Variants in PLCB1 observed in about 807,000 individuals in gnomAD.
PLCB1 encodes 1-phosphatidylinositol 4,5-bisphosphate phosphodiesterase beta-1.
In PLCB1, 46 loss-of-function variants were observed where a neutral mutation model predicts 161.8. The ratio of observed to expected loss-of-function variants is 0.28; its 90% CI spans 0.22 to 0.36. The LOEUF (loss-of-function observed/expected upper bound fraction) is 0.36. Ranked by LOEUF, PLCB1 falls within the 10% of genes least tolerant of loss-of-function variation. The pLI, the probability that PLCB1 is intolerant of heterozygous loss-of-function variation, is 1.00. For missense variants in PLCB1, 1,016 were observed against 1,472.5 expected (o/e 0.69, Z 5.07); for synonymous variants, 517 against 503.7 (o/e 1.03, Z -0.35).
intron 2 of PLCB1, among the ~76,000 whole-genome samples, chr20:8,362,831 G>A (rs1986588315): frequency 6.6e-6 from 1 of 152,092 alleles, no homozygotes; most frequent in Admixed American, 6.6e-5. Context: ...TTTCATTTAT[G>A]TTACACAATA....
intron 1 of PLCB1, among the ~76,000 whole-genome samples, chr20:8,148,836 G>T (rs2051480828): frequency 6.6e-6 from 1 of 152,132 alleles, no homozygotes; most frequent in Non-Finnish European, 1.5e-5. Context: ...TAACTACTTA[G>T]AATACTCCAA....
At chr20:8,660,678 A>T (rs1989597638) in intron 9 of PLCB1, among the ~76,000 whole-genome samples, 1 of 152,176 alleles carries the variant, frequency 6.6e-6, no homozygotes, top group African/African-American at 2.4e-5. Flanking sequence ...GGAAATTAAG[A>T]TGATGTCTCC....
chr20:8,504,884 T>G (rs111329330), intron 3 of PLCB1, among the ~76,000 whole-genome samples: 3 of 152,222 alleles, frequency 2.0e-5, no homozygotes, highest in Non-Finnish European at 4.4e-5. Context: ...TTTTGTTTTT[T>G]AGAGACAAGG....
intron 18 of PLCB1, chr20:8,729,717 A>C (rs1423106307): frequency 1.3e-5 from 2 of 152,126 alleles, no homozygotes; most frequent in South Asian, 2.1e-4. Context: ...ATTCGCTAAA[A>C]ACTTATTTCT....
intron 9 of PLCB1, among the ~76,000 whole-genome samples, chr20:8,660,712 G>C (rs1989598567): frequency 6.6e-6 from 1 of 152,016 alleles, no homozygotes; most frequent in African/African-American, 2.4e-5. Context: ...ATTATTTAGT[G>C]CCATTTTATG....
intron 1 of PLCB1, among the ~76,000 whole-genome samples, chr20:8,136,557 C>T (rs1206503510): frequency 2.7e-5 from 4 of 150,150 alleles, no homozygotes; most frequent in Admixed American, 1.3e-4. Flanking sequence ...ACCTGGGAGG[C>T]GGAGCTTGCA....
chr20:8,657,419 G>A, intron 8 of PLCB1, 135 bp downstream of exon 8: 1 of 659,042 alleles, frequency 1.5e-6, no homozygotes, highest in South Asian at 1.7e-5. Context: ...CCTGTGTGAT[G>A]TTTTGGATAG....
At position 8,649,330 on chromosome 20, in the gene PLCB1, A is replaced by G. The variant is rs555252377; in HGVS notation, c.519-44A>G. 21 of 1,250,912 alleles carry G rather than the reference A, an allele frequency of 1.7e-5. No individual in the cohort carries two copies. The African/African-American group carries it at 2.5e-4, about 15-fold the overall frequency. The allele number at this position is 1,250,912 out of a possible 1,614,324, so 77.5% of individuals were successfully genotyped here. On this transcript the variant is annotated intron_variant, in intron 6 of 31. Transcript: ENST00000338037. Reference sequence around the variant, plus strand: ...GCATCATCTGTTAGTGCTGTGATCCATGTGCCATTTAAACCTCTCTCCTTT... The same window carrying G: ...GCATCATCTGTTAGTGCTGTGATCCGTGTGCCATTTAAACCTCTCTCCTTT...
At chr20:8,589,548 T>C (rs1445213874) in intron 3 of PLCB1, among the ~76,000 whole-genome samples, 1 of 151,562 alleles carries the variant, frequency 6.6e-6, no homozygotes, top group Non-Finnish European at 1.5e-5. Flanking sequence ...CAGAAGACCA[T>C]CTTCTTATTG....
rs150373094 is a variant in PLCB1, at chr20:8,260,136, A to T, written c.177+109765A>T. Among the ~76,000 whole-genome samples, 475 of 143,752 alleles carry T rather than the reference A, an allele frequency of 3.3e-3. 1 individual carries two copies. Among genetic ancestry groups the T allele is most frequent in the African/African-American group, 0.012 (459 of 38,680 alleles). 94.3% of individuals were successfully genotyped at this position (143,752 alleles called of 152,430 possible). ...GACAGTGTTGCCCAGACTGGAGTGT[A>T]GTTTTGAGATCATAGCTCACTGCAC... On this transcript the variant is annotated intron_variant, in intron 2 of 31. Transcript: ENST00000338037.
chr20:8,779,177 A>G (rs1271863799), intron 27 of PLCB1, among the ~76,000 whole-genome samples: 3 of 152,166 alleles, frequency 2.0e-5, no homozygotes, highest in African/African-American at 7.2e-5. Flanking sequence ...CCACATCCAC[A>G]GTTCGAGAGT....
At chr20:8,417,480 T>G (rs1289829318) in intron 3 of PLCB1, among the ~76,000 whole-genome samples, 1 of 151,748 alleles carries the variant, frequency 6.6e-6, no homozygotes, top group Non-Finnish European at 1.5e-5. Context: ...GTAAAAACAG[T>G]GTCATTGATT....
chr20:8,160,039 C>T (rs1387878354), intron 2 of PLCB1, among the ~76,000 whole-genome samples: 1 of 151,418 alleles, frequency 6.6e-6, no homozygotes, highest in Non-Finnish European at 1.5e-5. Flanking sequence ...ACCAGATACC[C>T]TAAATCATCT....
At chr20:8,678,489 C>T (rs968951737) in intron 9 of PLCB1, among the ~76,000 whole-genome samples, 3 of 152,190 alleles carry the variant, frequency 2.0e-5, no homozygotes, top group African/African-American at 4.8e-5. Context: ...CATGAGGAAG[C>T]GTGTTTCTAT....
intron 3 of PLCB1, among the ~76,000 whole-genome samples, chr20:8,602,512 A>G (rs1012040299): frequency 5.3e-5 from 8 of 152,214 alleles, no homozygotes; most frequent in Non-Finnish European, 1.0e-4. Flanking sequence ...ACCAGAGGTT[A>G]CAGATTCTAG....
At chr20:8,239,739 A>G (rs1163146556) in intron 2 of PLCB1, among the ~76,000 whole-genome samples, 2 of 152,012 alleles carry the variant, frequency 1.3e-5, no homozygotes, top group East Asian at 1.9e-4. Context: ...AACACAAAGA[A>G]TAGCATTTTA....
chr20:8,560,284 TCAC>T (rs2123020579), intron 3 of PLCB1, among the ~76,000 whole-genome samples: 1 of 152,138 alleles, frequency 6.6e-6, no homozygotes, highest in Admixed American at 6.6e-5. Flanking sequence ...TACATTGACA[TCAC>T]CTGTGAGCTT....
chr20:8,439,794 C>T (rs1017389091), intron 3 of PLCB1, among the ~76,000 whole-genome samples: 1 of 151,220 alleles, frequency 6.6e-6, no homozygotes, highest in Non-Finnish European at 1.5e-5. Flanking sequence ...TCTTCTAGGT[C>T]GTTGACCTTT....
At chr20:8,710,623 T>G (rs1006572849) in intron 12 of PLCB1, among the ~76,000 whole-genome samples, 20 of 144,904 alleles carry the variant, frequency 1.4e-4, no homozygotes, top group Non-Finnish European at 2.0e-4. Context: ...CAAGCAATTC[T>G]CCTGCCTCAG....
Sources: allele counts gnomAD v4.1 joint callset (sites outside exome capture counted in the v4.1 genomes callset), GRCh38; gene constraint gnomAD v4.1.1; transcripts MANE v1.5; gene names NCBI Gene and HGNC (gene_info 2026-07-23, HGNC 2026-07-21).